KLF12: variants seen among roughly 807,000 people sequenced by gnomAD.
KLF12 encodes KLF transcription factor 12, also known as Krueppel-like factor 12.
A neutral mutation model predicts 37.8 loss-of-function variants in KLF12; 9 were observed. The ratio of observed to expected loss-of-function variants is 0.24; its 90% CI spans 0.14 to 0.42. The LOEUF (loss-of-function observed/expected upper bound fraction) is 0.42, where lower values mean the gene tolerates loss of function less well. Ranked by LOEUF, KLF12 falls within the 10% of genes least tolerant of loss-of-function variation. The pLI, the probability that KLF12 is intolerant of heterozygous loss-of-function variation, is 1.00. For synonymous variants in KLF12, 208 were observed against 202.1 expected, an observed-to-expected ratio of 1.03 and a Z score of -0.25; for missense variants, 411 against 516.0, an observed-to-expected ratio of 0.80 and a Z score of 1.97.
intron 4 of KLF12, among the ~76,000 whole-genome samples, chr13:73,829,108 T>C (rs1884010552): frequency 6.6e-6 from 1 of 152,160 alleles, no homozygotes; most frequent in African/African-American, 2.4e-5. Flanking sequence ...CTGTGGCTTT[T>C]TTGTCTGCTT....
intron 2 of KLF12, among the ~76,000 whole-genome samples, chr13:73,951,697 A>G (rs1890653471): frequency 6.6e-6 from 1 of 152,182 alleles, no homozygotes; most frequent in South Asian, 2.1e-4. Context: ...CCTGACCTAC[A>G]GCAGGTGCCT....
chr13:73,715,112 A>T (rs1875699305), intron 7 of KLF12, among the ~76,000 whole-genome samples: 1 of 152,172 alleles, frequency 6.6e-6, no homozygotes, highest in African/African-American at 2.4e-5. Flanking sequence ...AGCCTATATA[A>T]TGATTAAGTG....
intron 4 of KLF12, among the ~76,000 whole-genome samples, chr13:73,821,257 G>T (rs895798172): frequency 4.6e-5 from 7 of 152,084 alleles, no homozygotes; most frequent in Admixed American, 2.6e-4. Flanking sequence ...CAATTCCAAA[G>T]AATTCCATAA....
chr13:74,051,359 C>CAG (rs1364958192), intron 1 of KLF12, among the ~76,000 whole-genome samples: 6 of 151,540 alleles, frequency 4.0e-5, no homozygotes, highest in Admixed American at 3.9e-4. Flanking sequence ...CACACACACA[C>CAG]ACACACACAC....
intron 2 of KLF12, among the ~76,000 whole-genome samples, chr13:73,951,149 T>C (rs1184199406): frequency 6.6e-6 from 1 of 152,246 alleles, no homozygotes; most frequent in Non-Finnish European, 1.5e-5. Flanking sequence ...ACAGTTATAA[T>C]AACAATAACA....
intron 3 of KLF12, among the ~76,000 whole-genome samples, chr13:73,934,238 A>C (rs1274472750): frequency 6.6e-6 from 1 of 152,126 alleles, no homozygotes; most frequent in Non-Finnish European, 1.5e-5. Context: ...TCTAGAATTT[A>C]CAACATAAGG....
At chr13:73,870,313 T>C (rs533314850) in intron 3 of KLF12, among the ~76,000 whole-genome samples, 1 of 152,318 alleles carries the variant, frequency 6.6e-6, no homozygotes, top group East Asian at 1.9e-4. Context: ...CAGATGCCCA[T>C]ATACTATGCT....
chr13:74,127,011 G>C (rs1031900770), intron 1 of KLF12, among the ~76,000 whole-genome samples: 2 of 152,144 alleles, frequency 1.3e-5, no homozygotes, highest in African/African-American at 4.8e-5. Context: ...ATGGCTGTTT[G>C]TTGTTACTGT....
At chr13:73,819,676 G>C (rs1344563587) in intron 4 of KLF12, among the ~76,000 whole-genome samples, 2 of 152,216 alleles carry the variant, frequency 1.3e-5, no homozygotes, top group South Asian at 2.1e-4. Flanking sequence ...TACTACGTCA[G>C]ATAGTAAGTG....
At chr13:73,750,583 A>G (rs1878674925) in intron 6 of KLF12, among the ~76,000 whole-genome samples, 1 of 152,160 alleles carries the variant, frequency 6.6e-6, no homozygotes, top group African/African-American at 2.4e-5. Flanking sequence ...GAGGAAGAAG[A>G]GGCTGATGGG....
At chr13:74,239,978 CT>C in the KLF12 span, among the ~76,000 whole-genome samples, 4 of 150,668 alleles carry the variant, frequency 2.7e-5, no homozygotes, top group Non-Finnish European at 5.9e-5. Context: ...GAATTTGATC[CT>C]GTCATTATGA....
chr13:74,143,112 T>C, the KLF12 span, among the ~76,000 whole-genome samples: 1 of 146,534 alleles, frequency 6.8e-6, no homozygotes, highest in Admixed American at 6.8e-5. Context: ...CTCCTCCTCC[T>C]CCTCTTGCTC....
At chr13:73,956,692 A>G (rs971789557) in intron 2 of KLF12, among the ~76,000 whole-genome samples, 1 of 152,126 alleles carries the variant, frequency 6.6e-6, no homozygotes, top group African/African-American at 2.4e-5. Context: ...AGGCCAAGGC[A>G]GGAGGACTGC....
chr13:73,721,692 C>A (rs1300270688), intron 6 of KLF12, among the ~76,000 whole-genome samples: 1 of 151,316 alleles, frequency 6.6e-6, no homozygotes, highest in African/African-American at 2.4e-5. Flanking sequence ...ACTAGGACTA[C>A]AGGTGCATGC....
intron 1 of KLF12, among the ~76,000 whole-genome samples, chr13:74,128,247 C>A (rs766579210): frequency 6.6e-6 from 1 of 152,182 alleles, no homozygotes; most frequent in South Asian, 2.1e-4. Context: ...GAATGGAATT[C>A]ATGACCTTTG....
intron 3 of KLF12, among the ~76,000 whole-genome samples, chr13:73,849,023 A>G (rs192608547): frequency 6.6e-6 from 1 of 152,286 alleles, no homozygotes; most frequent in African/African-American, 2.4e-5. Context: ...TGCAATGATT[A>G]TGGTGCAGGT....
the KLF12 span, chr13:74,258,994 T>G: frequency 2.6e-5 from 4 of 152,398 alleles, no homozygotes; most frequent in South Asian, 8.3e-4. Context: ...CCCCCTCTGC[T>G]GGGGCAAGAG....
At chr13:73,826,968 G>T (rs1389710489) in intron 4 of KLF12, among the ~76,000 whole-genome samples, 2 of 152,076 alleles carry the variant, frequency 1.3e-5, no homozygotes, top group African/African-American at 4.8e-5. Flanking sequence ...TTTTTGTACA[G>T]ATGGGTTTCA....
At chr13:74,009,082 G>C (rs1425879212) in intron 1 of KLF12, among the ~76,000 whole-genome samples, 2 of 152,184 alleles carry the variant, frequency 1.3e-5, no homozygotes, top group African/African-American at 4.8e-5. Context: ...TTGTGGCCTT[G>C]AGGAATTCTG....
Sources: gnomAD v4.1 joint callset for allele counts (sites outside exome capture counted in the v4.1 genomes callset) on GRCh38, gnomAD v4.1.1 for gene constraint, MANE v1.5 for transcripts, NCBI Gene and HGNC (gene_info 2026-07-23, HGNC 2026-07-21) for gene names.